L2HGDH: variants seen among roughly 807,000 people sequenced by gnomAD.
L2HGDH encodes the protein L-2-hydroxyglutarate dehydrogenase, mitochondrial.
L2HGDH carries 34 observed loss-of-function variants against 51.5 expected under a neutral mutation model. That is an observed-to-expected ratio of 0.66 (90% confidence interval 0.50 to 0.88). The LOEUF is 0.88. Among genes scored for constraint, L2HGDH ranks in the 40% least tolerant of loss-of-function variants. The pLI is 0.00. For missense variants in L2HGDH, 558 were observed against 571.9 expected (o/e 0.98, Z 0.25); for synonymous variants, 198 against 197.9 (o/e 1.00, Z -0.01).
At position 50,242,977 on chromosome 14, in the gene L2HGDH, T is replaced by C. The variant is rs1471769664; in HGVS notation, c.*4081A>G. ...TTGGATTGCCTCCAAAAGTAGGCCC[T>C]ACAAACTCCCGTAGGCCAGGGCCTG... On this transcript the variant is annotated 3_prime_UTR_variant, in exon 10 of 10. Coordinates refer to ENST00000267436, the MANE Select transcript of L2HGDH (RefSeq NM_024884.3). The C allele has an allele frequency of 2.0e-6, 2 of 985,354 alleles. No individual in the cohort carries two copies. The highest frequency in any genetic ancestry group is 2.4e-6 in the Non-Finnish European group (2 of 829,970). The allele number at this position is 985,354 out of a possible 1,614,324, so 61.0% of individuals were successfully genotyped here.
intron 9 of L2HGDH, among the ~76,000 whole-genome samples, chr14:50,253,988 T>G (rs1459371577): frequency 2.0e-5 from 3 of 151,922 alleles, no homozygotes. Flanking sequence ...ATTGAACGCA[T>G]AGAGGTAAGA....
chr14:50,287,320 T>C (rs977609014), intron 4 of L2HGDH: 1 of 984,434 alleles, frequency 1.0e-6, no homozygotes, highest in African/African-American at 1.7e-5. Context: ...TTTTTCTCTT[T>C]AAAGCCTTAA....
Position 50,245,798 on chromosome 14 carries a change from A to T in L2HGDH, c.*1260T>A. 2 of 985,400 alleles carry T rather than the reference A, an allele frequency of 2.0e-6. No homozygotes were observed. The highest frequency in any genetic ancestry group is 1.7e-5 in the African/African-American group (1 of 57,356). The allele number at this position is 985,400 out of a possible 1,614,324, so 61.0% of individuals were successfully genotyped here. ...TAAAAAGCCAAATCTTCTCTAGGTCATGGTTGGTAAGGACAGGTCATTAAC... is the reference window on the plus strand; with the variant it reads ...TAAAAAGCCAAATCTTCTCTAGGTCTTGGTTGGTAAGGACAGGTCATTAAC... On this transcript the variant is annotated 3_prime_UTR_variant, in exon 10 of 10. Coordinates refer to ENST00000267436, the MANE Select transcript of L2HGDH (RefSeq NM_024884.3).
At chr14:50,251,983 A>G (rs543243937) in intron 9 of L2HGDH, among the ~76,000 whole-genome samples, 4 of 152,186 alleles carry the variant, frequency 2.6e-5, no homozygotes, top group Non-Finnish European at 5.9e-5. Context: ...GTATAACACT[A>G]TAATTGTGGT....
At chr14:50,293,208 ATATCATAAAGGCAATACTGC>A in intron 4 of L2HGDH, 1 of 702,286 alleles carries the variant, frequency 1.4e-6, no homozygotes, top group South Asian at 1.5e-5. Context: ...CACATACCTG[ATATCATAAAGGCAATACTGC>A]AGCACAGTGG....
chr14:50,309,041 T>C (rs953694259), intron 1 of L2HGDH, among the ~76,000 whole-genome samples: 2 of 152,084 alleles, frequency 1.3e-5, no homozygotes, highest in Non-Finnish European at 2.9e-5. Context: ...GTTCTTTATG[T>C]ATTTTGTGTA....
rs980793278 is a variant in L2HGDH at position 50,265,651 on chromosome 14, C to T, written c.1065-162G>A. On this transcript the variant is annotated intron_variant, in intron 8 of 9. Transcript: ENST00000267436. ...AATCAAGGCCAGGAGTGGTGGCTCA[C>T]GCCTGTAATCCCAACACTTTGGGAG... is the stretch of plus-strand genomic sequence containing the variant. Among the ~76,000 whole-genome samples the T allele has an allele frequency of 3.9e-5, 6 of 152,158 alleles. No homozygotes were observed. In the East Asian group the frequency reaches 5.8e-4, roughly 15 times the overall value.
intron 8 of L2HGDH, among the ~76,000 whole-genome samples, chr14:50,266,495 T>C (rs952071554): frequency 1.3e-5 from 2 of 151,724 alleles, no homozygotes; most frequent in African/African-American, 2.4e-5. Flanking sequence ...ACACAAAAAT[T>C]ATCTGGGCAT....
chr14:50,243,213 C>T lies in L2HGDH; in HGVS notation c.*3845G>A, dbSNP rs1011422801. ...ATGTATGGATAAAAGAGTTAAGCTA[C>T]GTAACATGAAACACCAAAAATATAC... On this transcript the variant is annotated 3_prime_UTR_variant, in exon 10 of 10. Coordinates refer to ENST00000267436, the MANE Select transcript of L2HGDH (RefSeq NM_024884.3). 5.1e-6 allele frequency: 5 copies of T among 985,188 alleles called. No individual in the cohort carries two copies. The highest frequency in any genetic ancestry group is 6.2e-5 in the Admixed American group (1 of 16,232). 61.0% of individuals were successfully genotyped at this position (985,188 alleles called of 1,614,324 possible).
rs1205908506 is a variant in L2HGDH, at chr14:50,245,272, G to C, written c.*1786C>G. On this transcript the variant is annotated 3_prime_UTR_variant, in exon 10 of 10. Coordinates refer to ENST00000267436, the MANE Select transcript of L2HGDH (RefSeq NM_024884.3). ...GTGACTAAAGATCAGAGATATAATA[G>C]ATAAATAACTTTTTTAAATTGGAGT... is the stretch of plus-strand genomic sequence containing the variant. The C allele has an allele frequency of 4.1e-6, 4 of 984,880 alleles. No homozygotes were observed. The highest frequency in any genetic ancestry group is 4.8e-6 in the Non-Finnish European group (4 of 829,488). The allele number at this position is 984,880 out of a possible 1,614,324, so 61.0% of individuals were successfully genotyped here.
At chr14:50,250,772 G>C (rs1278771288) in intron 9 of L2HGDH, among the ~76,000 whole-genome samples, 1 of 152,224 alleles carries the variant, frequency 6.6e-6, no homozygotes, top group Non-Finnish European at 1.5e-5. Context: ...TGGTGATCCA[G>C]AGAATTCTTC....
rs1004160463 is a variant in L2HGDH, at chr14:50,308,341, C to T, written c.140+3670G>A. Among the ~76,000 whole-genome samples, 43 of 150,512 alleles carry T rather than the reference C, an allele frequency of 2.9e-4. 1 individual carries two copies. The highest frequency in any genetic ancestry group is 2.3e-3 in the South Asian group (11 of 4,794). On this transcript the variant is annotated intron_variant, in intron 1 of 9. Coordinates refer to ENST00000267436, the MANE Select transcript of L2HGDH (RefSeq NM_024884.3). Reference sequence around the variant, plus strand: ...GGAGGCCTCTGCGGTGAGCCGAGACCGCGCCACTGCGCTCCAGCCTGGGCA... The same window carrying T: ...GGAGGCCTCTGCGGTGAGCCGAGACTGCGCCACTGCGCTCCAGCCTGGGCA...
At chr14:50,273,163 G>A (rs1271970252) in intron 6 of L2HGDH, among the ~76,000 whole-genome samples, 1 of 152,194 alleles carries the variant, frequency 6.6e-6, no homozygotes, top group Non-Finnish European at 1.5e-5. Flanking sequence ...TATATGAATG[G>A]ACCACTCCAA....
chr14:50,287,690 C>T (rs1595120748), intron 4 of L2HGDH, among the ~76,000 whole-genome samples: 6 of 133,936 alleles, frequency 4.5e-5, no homozygotes, highest in Admixed American at 7.5e-5. Context: ...TTATTTTTTT[C>T]CTTTTTTTTT....
chr14:50,298,687 T>C (rs956950529), intron 3 of L2HGDH, among the ~76,000 whole-genome samples: 10 of 151,858 alleles, frequency 6.6e-5, no homozygotes, highest in Non-Finnish European at 1.3e-4. Context: ...AGACTCTATC[T>C]CAAAAAAATA....
chr14:50,267,144 T>TA (rs1889384092), intron 8 of L2HGDH, among the ~76,000 whole-genome samples: 1 of 138,386 alleles, frequency 7.2e-6, no homozygotes, highest in African/African-American at 2.7e-5. Flanking sequence ...CTTCTTTTTA[T>TA]TTTTATTTAT....
chr14:50,280,972 G>A (rs2139152228), intron 5 of L2HGDH, among the ~76,000 whole-genome samples: 1 of 148,316 alleles, frequency 6.7e-6, no homozygotes, highest in South Asian at 2.2e-4. Flanking sequence ...GTGCTACCAT[G>A]CCCAGTGAAC....
At chr14:50,256,060 C>T (rs906156039) in intron 9 of L2HGDH, among the ~76,000 whole-genome samples, 1 of 152,042 alleles carries the variant, frequency 6.6e-6, no homozygotes, top group Non-Finnish European at 1.5e-5. Flanking sequence ...TAACTAAATA[C>T]ATACATTCAT....
At chr14:50,287,198 C>T in intron 4 of L2HGDH, 1 of 985,278 alleles carries the variant, frequency 1.0e-6, no homozygotes, top group Non-Finnish European at 1.2e-6. Context: ...ATGGTCACCT[C>T]ATCAGGTACA....
Sources: allele counts gnomAD v4.1 joint callset (sites outside exome capture counted in the v4.1 genomes callset), GRCh38; gene constraint gnomAD v4.1.1; transcripts MANE v1.5; gene names NCBI Gene and HGNC (gene_info 2026-07-23, HGNC 2026-07-21).